KALRN: variants seen among roughly 807,000 people sequenced by gnomAD.
KALRN encodes the protein kalirin RhoGEF kinase.
A neutral mutation model predicts 353.7 loss-of-function variants in KALRN; 70 were observed. That is an observed-to-expected ratio of 0.20 (90% CI 0.16 to 0.24). The LOEUF is 0.24. KALRN is among the 10% of genes least tolerant of loss of function. The pLI is 1.00. For missense variants in KALRN, 2,791 were observed against 3,756.7 expected (o/e 0.74, Z 6.72); for synonymous variants, 1,391 against 1,434.8 (o/e 0.97, Z 0.69).
At chr3:124,475,696 A>G (rs1222130378) in intron 26 of KALRN, among the ~76,000 whole-genome samples, 2 of 152,212 alleles carry the variant, frequency 1.3e-5, no homozygotes, top group East Asian at 3.8e-4. Flanking sequence ...CAGATAAGAT[A>G]GGAGGTTGAC....
Position 124,334,492 on chromosome 3 carries a change from G to A in KALRN, c.1644G>A (p.Gln548=). Residue 548 remains glutamine, a synonymous_variant, in exon 9 of 60, where the codon CAG becomes CAA. Transcript: ENST00000682506. This position sits in a 1 kb window ranked among gnomAD's most constrained non-coding sequence, Gnocchi z 4.2. The stretch of plus-strand genomic sequence containing the variant: ...TCTGCGTCTTCCAGCAGGATGTACA[G>A]CAGGTAACAGGCTCTGAGCCCCGGT... ...LQLCVFQQDV[Q]QVLDWIENHG... is the part of the protein sequence containing the mutation. 1.2e-6 allele frequency: 2 copies of A among 1,610,648 alleles called. No individual in the cohort carries two copies. The highest frequency in any genetic ancestry group is 1.7e-6 in the Non-Finnish European group (2 of 1,177,454).
Position 124,260,343 on chromosome 3 carries a change from A to C in KALRN, c.264-4155A>C, listed in dbSNP as rs182626573. Among the ~76,000 whole-genome samples, 56 of 152,294 alleles carry C rather than the reference A, an allele frequency of 3.7e-4. No homozygotes were observed. The East Asian group carries it at 0.011, about 29-fold the overall frequency. On this transcript the variant is annotated intron_variant, in intron 3 of 59. Coordinates refer to ENST00000682506, the MANE Select transcript of KALRN (RefSeq NM_001388419.1). ...AGGCCCAAATGTGGCAGCACAGTAG[A>C]CCAGCCTCCACTCATGCTCTGCCTG...
chr3:124,698,172 C>T (rs1165825265), intron 55 of KALRN, among the ~76,000 whole-genome samples: 2 of 151,904 alleles, frequency 1.3e-5, no homozygotes, highest in Non-Finnish European at 2.9e-5. Flanking sequence ...TCTCACTATG[C>T]TGCCCAGGCT....
At chr3:124,251,634 G>A (rs917835471) in intron 3 of KALRN, among the ~76,000 whole-genome samples, 3 of 152,182 alleles carry the variant, frequency 2.0e-5, no homozygotes, top group African/African-American at 7.2e-5. Flanking sequence ...GCCTTCCAAA[G>A]TGCTGGGATT....
chr3:124,065,181 G>A (rs2042255684), intron 1 of KALRN, among the ~76,000 whole-genome samples: 1 of 152,192 alleles, frequency 6.6e-6, no homozygotes, highest in African/African-American at 2.4e-5. Context: ...AGACTAAGAA[G>A]GAAAAGCATA....
chr3:124,328,867 C>G (rs2080206099), intron 7 of KALRN, among the ~76,000 whole-genome samples: 1 of 152,208 alleles, frequency 6.6e-6, no homozygotes, highest in African/African-American at 2.4e-5. Flanking sequence ...ACTAGTCCTT[C>G]AGGGACATTC....
At chr3:124,319,632 A>G (rs571467094) in intron 6 of KALRN, among the ~76,000 whole-genome samples, 2 of 150,396 alleles carry the variant, frequency 1.3e-5, no homozygotes, top group East Asian at 3.9e-4. Context: ...TTTTCTATAC[A>G]TAAGAGAATA....
chr3:124,523,065 T>A (rs770719056), intron 33 of KALRN, among the ~76,000 whole-genome samples: 3 of 152,236 alleles, frequency 2.0e-5, no homozygotes, highest in Non-Finnish European at 4.4e-5. Flanking sequence ...TTTTGACCAG[T>A]TAACCTACTA....
At chr3:124,454,220 C>T (rs898034427) in intron 21 of KALRN, among the ~76,000 whole-genome samples, 1 of 152,192 alleles carries the variant, frequency 6.6e-6, no homozygotes, top group Admixed American at 6.5e-5. Context: ...TAGATCCTGG[C>T]ATGTGCCAAC....
chr3:124,557,553 C>T (rs537634405), intron 33 of KALRN, among the ~76,000 whole-genome samples: 122 of 152,252 alleles, frequency 8.0e-4, no homozygotes, highest in African/African-American at 2.9e-3. Context: ...CAGGACTTCA[C>T]GGTGCCCTTG....
chr3:124,687,331 C>T (rs2061609801), intron 51 of KALRN, among the ~76,000 whole-genome samples: 1 of 152,114 alleles, frequency 6.6e-6, no homozygotes. Flanking sequence ...CCTCCTCAGC[C>T]CCCCACCTCC....
Position 124,496,382 on chromosome 3 carries a change from G to C in KALRN, c.4904G>C (p.Arg1635Thr). 6.2e-7 allele frequency: 1 copy of C among 1,613,490 alleles called. No individual in the cohort carries two copies. Residue 1635 changes from arginine to threonine, a missense_variant, in exon 33 of 60, where the codon AGG becomes ACG. This residue lies in a region of KALRN where 239 missense variants were observed against 351.3 expected (regional missense o/e 0.68). Coordinates refer to ENST00000682506, the MANE Select transcript of KALRN (RefSeq NM_001388419.1). The part of the protein sequence containing the change: ...SQPDTISIAS[R>T]TSQNTVDSDK... ...CCAGACACCATCTCCATTGCTTCTA[G>C]GACCTCTCAGAACACAGTGGACAGT...
intron 18 of KALRN, among the ~76,000 whole-genome samples, chr3:124,440,132 C>T (rs965443388): frequency 2.6e-5 from 4 of 151,986 alleles, no homozygotes; most frequent in Admixed American, 6.6e-5. Flanking sequence ...TAGTAATCAG[C>T]TCTTACTAGT....
At chr3:124,087,230 G>A (rs1159454468) in intron 1 of KALRN, among the ~76,000 whole-genome samples, 1 of 152,162 alleles carries the variant, frequency 6.6e-6, no homozygotes, top group East Asian at 1.9e-4. Context: ...AAATCTTGGA[G>A]CTACAGATTT....
chr3:124,042,030 G>C (rs989854627), intron 1 of KALRN, among the ~76,000 whole-genome samples: 2 of 152,224 alleles, frequency 1.3e-5, no homozygotes, highest in African/African-American at 4.8e-5. Context: ...AGAGTGAAAA[G>C]TGGCAGACGC....
At chr3:124,453,184 A>ATC (rs1343032552) in intron 21 of KALRN, among the ~76,000 whole-genome samples, 17 of 152,150 alleles carry the variant, frequency 1.1e-4, no homozygotes, top group South Asian at 1.0e-3. Context: ...TGCTAATTCT[A>ATC]TCTTAACCAA....
intron 33 of KALRN, among the ~76,000 whole-genome samples, chr3:124,531,415 G>C (rs2068033551): frequency 6.6e-6 from 1 of 152,198 alleles, no homozygotes; most frequent in African/African-American, 2.4e-5. Flanking sequence ...CCTTGAAGTA[G>C]TGTTATTTAT....
intron 34 of KALRN, among the ~76,000 whole-genome samples, chr3:124,582,018 AT>A (rs71625758): frequency 0.08 from 10,921 of 135,738 alleles, 373 homozygotes; most frequent in Non-Finnish European, 0.091. Flanking sequence ...AACATGAGCT[AT>A]TTTTTTTTTT....
At chr3:124,296,103 T>C (rs904286640) in intron 5 of KALRN, among the ~76,000 whole-genome samples, 1 of 152,228 alleles carries the variant, frequency 6.6e-6, no homozygotes, top group Non-Finnish European at 1.5e-5. Flanking sequence ...CTCCAAATCA[T>C]GCACGTTTGC....
Sources: gnomAD v4.1 joint callset for allele counts (sites outside exome capture counted in the v4.1 genomes callset) on GRCh38, gnomAD v4.1.1 for gene constraint, gnomAD v4.1.1 regional missense constraint, Gnocchi (gnomAD v3.1) non-coding constraint, MANE v1.5 for transcripts, NCBI Gene and HGNC (gene_info 2026-07-23, HGNC 2026-07-21) for gene names.